Variants in DIS3L2 observed in about 807,000 individuals in gnomAD.
DIS3L2 encodes the protein DIS3 like 3'-5' exoribonuclease 2.
DIS3L2 carries 34 observed loss-of-function variants against 97.5 expected under a neutral mutation model. The observed-to-expected ratio is 0.35, with a 90% confidence interval of 0.27 to 0.46. DIS3L2 has a LOEUF of 0.46. Among genes scored for constraint, DIS3L2 ranks in the 20% least tolerant of loss-of-function variants. DIS3L2 has a pLI of 1.00. For synonymous variants in DIS3L2, 435 were observed against 445.2 expected, an observed-to-expected ratio of 0.98 and a Z score of 0.29; for missense variants, 1,038 against 1,146.0, an observed-to-expected ratio of 0.91 and a Z score of 1.36.
At chr2:232,135,786 G>C (rs967829744) in intron 7 of DIS3L2, among the ~76,000 whole-genome samples, 1 of 152,092 alleles carries the variant, frequency 6.6e-6, no homozygotes, top group African/African-American at 2.4e-5. Flanking sequence ...GGTCTGGTGG[G>C]ATGTCGGCAA....
chr2:232,287,296 GT>G (rs887928883), intron 13 of DIS3L2, among the ~76,000 whole-genome samples: 12 of 146,442 alleles, frequency 8.2e-5, no homozygotes, highest in African/African-American at 3.1e-4. Flanking sequence ...TATCCAAGGA[GT>G]TTTTTATTAC....
intron 6 of DIS3L2, 140 bp downstream of exon 6, chr2:232,087,861 G>A: frequency 4.5e-6 from 3 of 673,456 alleles, no homozygotes; most frequent in Non-Finnish European, 7.5e-6. Flanking sequence ...CAGAAAAGGG[G>A]GATCTTTGAC....
chr2:232,201,024 C>T (rs1691879526), intron 9 of DIS3L2, among the ~76,000 whole-genome samples: 1 of 152,208 alleles, frequency 6.6e-6, no homozygotes, highest in Admixed American at 6.5e-5. Context: ...ATCTGCCCGC[C>T]TCGGCCTCCC....
chr2:232,232,404 C>T (rs1317782105), intron 10 of DIS3L2, among the ~76,000 whole-genome samples: 5 of 152,032 alleles, frequency 3.3e-5, no homozygotes, highest in African/African-American at 1.2e-4. Flanking sequence ...GCAGGGAGAG[C>T]AATAGGAGGT....
chr2:231,993,469 C>T (rs1001247403), intron 1 of DIS3L2, among the ~76,000 whole-genome samples: 2 of 152,182 alleles, frequency 1.3e-5, no homozygotes, highest in African/African-American at 4.8e-5. Context: ...CTGCCTCGGC[C>T]TCCCAAAGTG....
chr2:232,234,589 T>C (rs1470760086), intron 10 of DIS3L2, among the ~76,000 whole-genome samples: 2 of 152,382 alleles, frequency 1.3e-5, no homozygotes, highest in East Asian at 3.9e-4. Flanking sequence ...TGACTTCAGG[T>C]GATCCGCCAA....
At chr2:231,967,975 T>A (rs1692771875) in intron 1 of DIS3L2, among the ~76,000 whole-genome samples, 1 of 152,182 alleles carries the variant, frequency 6.6e-6, no homozygotes, top group South Asian at 2.1e-4. Flanking sequence ...GTACAGTTTG[T>A]TAAGTTTTGA....
At chr2:232,175,052 C>G (rs1255188646) in intron 9 of DIS3L2, among the ~76,000 whole-genome samples, 1 of 152,066 alleles carries the variant, frequency 6.6e-6, no homozygotes, top group African/African-American at 2.4e-5. Context: ...TGCTCTTGAA[C>G]TCTTAGGCTC....
intron 1 of DIS3L2, among the ~76,000 whole-genome samples, chr2:231,977,703 A>G (rs1404458696): frequency 1.3e-5 from 2 of 152,222 alleles, no homozygotes; most frequent in Admixed American, 6.5e-5. Flanking sequence ...CACTGCAAAT[A>G]CTCAATTGGA....
chr2:232,039,702 A>T (rs1167831760), intron 5 of DIS3L2, among the ~76,000 whole-genome samples: 4 of 152,150 alleles, frequency 2.6e-5, no homozygotes, highest in Non-Finnish European at 5.9e-5. Context: ...TTGAGGGGCA[A>T]ATGATAGTTT....
At chr2:232,005,204 C>T (rs1418738362) in intron 1 of DIS3L2, among the ~76,000 whole-genome samples, 2 of 128,266 alleles carry the variant, frequency 1.6e-5, no homozygotes, top group Non-Finnish European at 3.2e-5. Context: ...TTCACTAGCA[C>T]TTAGCTTCAG....
At chr2:232,158,429 G>A (rs979739074) in intron 8 of DIS3L2, among the ~76,000 whole-genome samples, 8 of 152,134 alleles carry the variant, frequency 5.3e-5, no homozygotes, top group Non-Finnish European at 1.0e-4. Context: ...ATTCAATGGT[G>A]TAATGATTCA....
intron 9 of DIS3L2, among the ~76,000 whole-genome samples, chr2:232,200,203 A>G (rs190602051): frequency 1.8e-4 from 27 of 152,366 alleles, no homozygotes; most frequent in African/African-American, 5.3e-4. Flanking sequence ...GGGGATGTCA[A>G]TATGAACTCA....
chr2:232,277,301 C>A (rs1694166063), intron 13 of DIS3L2, among the ~76,000 whole-genome samples: 1 of 152,196 alleles, frequency 6.6e-6, no homozygotes, highest in Non-Finnish European at 1.5e-5. Flanking sequence ...CAAAGTATTT[C>A]ATCCTGTTTT....
In DIS3L2 at chr2:232,037,376, C is replaced by A. The variant is rs560359912; in HGVS notation, c.366+7296C>A. ...CTACTTAAGCCTCCGTAATGGCAGACGCCCCTCCCCACCAAGCTCAAGTGT... is the reference window on the plus strand; with the variant it reads ...CTACTTAAGCCTCCGTAATGGCAGAAGCCCCTCCCCACCAAGCTCAAGTGT... On this transcript the variant is annotated intron_variant, in intron 5 of 20. Coordinates refer to ENST00000325385, the MANE Select transcript of DIS3L2 (RefSeq NM_152383.5). This position sits in a 1 kb window ranked among gnomAD's most constrained non-coding sequence, Gnocchi z 4.6. 2.6e-5 allele frequency among the ~76,000 whole-genome samples: 4 copies of A among 152,252 alleles called. No individual in the cohort carries two copies. Among genetic ancestry groups the A allele is most frequent in the East Asian group, 3.9e-4 (2 of 5,168 alleles).
intron 6 of DIS3L2, among the ~76,000 whole-genome samples, chr2:232,098,306 C>T (rs978923180): frequency 3.3e-5 from 5 of 151,884 alleles, no homozygotes; most frequent in African/African-American, 1.2e-4. Flanking sequence ...GTATGAGGCT[C>T]CTTGTATCTT....
At position 232,068,500 on chromosome 2, in the gene DIS3L2, T is replaced by C. The variant is rs1180420566; in HGVS notation, c.367-18987T>C. ...GGGAAGCTGAGGCGGGAGGATCACT[T>C]GTACCTGGGAGGTTGGGGGTACAAT... On this transcript the variant is annotated intron_variant, in intron 5 of 20. Coordinates refer to ENST00000325385, the MANE Select transcript of DIS3L2 (RefSeq NM_152383.5). Among the ~76,000 whole-genome samples, 5 of 151,832 alleles carry C rather than the reference T, an allele frequency of 3.3e-5. No homozygotes were observed. In the East Asian group the frequency reaches 7.7e-4, roughly 23 times the overall value.
At chr2:231,994,086 T>G (rs1693662816) in intron 1 of DIS3L2, among the ~76,000 whole-genome samples, 1 of 151,632 alleles carries the variant, frequency 6.6e-6, no homozygotes, top group Non-Finnish European at 1.5e-5. Flanking sequence ...TTGGTTTTTT[T>G]TTTTTTTTTG....
chr2:232,056,719 A>G (rs1167247908), intron 5 of DIS3L2, among the ~76,000 whole-genome samples: 4 of 152,250 alleles, frequency 2.6e-5, no homozygotes, highest in African/African-American at 7.2e-5. Context: ...AATCAAAACC[A>G]TAATGCAGTA....
Sources: gnomAD v4.1 joint callset for allele counts (sites outside exome capture counted in the v4.1 genomes callset) on GRCh38, gnomAD v4.1.1 for gene constraint, Gnocchi (gnomAD v3.1) non-coding constraint, MANE v1.5 for transcripts, NCBI Gene and HGNC (gene_info 2026-07-23, HGNC 2026-07-21) for gene names.